TESMIN: variants seen among roughly 807,000 people sequenced by gnomAD.
TESMIN encodes the protein testis expressed metallothionein like protein.
In TESMIN, 34 loss-of-function variants were observed where a neutral mutation model predicts 47.4. The observed-to-expected ratio is 0.72, with a 90% CI of 0.55 to 0.96. TESMIN has a LOEUF of 0.96. Ranked by LOEUF, TESMIN falls within the 40% of genes least tolerant of loss-of-function variation. The probability of loss-of-function intolerance (pLI) is 0.00; values close to 1 mark genes in which losing one functional copy is unlikely to be tolerated. For synonymous variants in TESMIN, 278 were observed against 258.9 expected, an observed-to-expected ratio of 1.07 and a Z score of -0.71; for missense variants, 610 against 637.2, an observed-to-expected ratio of 0.96 and a Z score of 0.46.
downstream of TESMIN, among the ~76,000 whole-genome samples, chr11:68,707,052 C>T (rs937973725): frequency 6.6e-6 from 1 of 152,230 alleles, no homozygotes; most frequent in Non-Finnish European, 1.5e-5. Flanking sequence ...GCTGAGGGTT[C>T]CACGTCTCAC....
chr11:68,715,995 AAAG>A (rs1946133753), intron 6 of TESMIN, 56 bp from the exon 7 acceptor site: 4 of 1,153,256 alleles, frequency 3.5e-6, no homozygotes, highest in African/African-American at 1.5e-5. Flanking sequence ...TGAGTAGTGA[AAAG>A]AAGAGCACAC....
At chr11:68,710,153 TG>T (rs1176785124) in intron 9 of TESMIN, among the ~76,000 whole-genome samples, 1 of 152,066 alleles carries the variant, frequency 6.6e-6, no homozygotes. Flanking sequence ...GTGAAAGCCC[TG>T]GTCTCAAAAA....
chr11:68,746,048 A>G (rs1946516337), intron 3 of TESMIN, among the ~76,000 whole-genome samples: 1 of 152,242 alleles, frequency 6.6e-6, no homozygotes, highest in Non-Finnish European at 1.5e-5. Flanking sequence ...TTATCAAAGT[A>G]ATACACATTG....
chr11:68,750,258 G>A lies in TESMIN; in HGVS notation c.403C>T (p.Pro135Ser), dbSNP rs1377555854. 3 of 1,543,938 alleles carry A rather than the reference G, an allele frequency of 1.9e-6. No individual in the cohort carries two copies. In the South Asian group the frequency reaches 3.6e-5, roughly 19 times the overall value. ...LSSLLPAHRSPAVLPLGAWVL... is the reference protein window; with the variant it reads ...LSSLLPAHRSSAVLPLGAWVL... Reference sequence around the variant, plus strand: ...CAGGCGCCCAGGGGCAACACCGCCGGGCTGCGGTGCGCGGGTAGCAGCGAG... The same window carrying A: ...CAGGCGCCCAGGGGCAACACCGCCGAGCTGCGGTGCGCGGGTAGCAGCGAG... Residue 135 changes from proline (P) to serine (S), a missense_variant, in exon 2 of 10, where the codon CCG becomes TCG. Physicochemically the swap from Pro to Ser is moderately conservative, Grantham distance 74. Coordinates refer to ENST00000255087, the MANE Select transcript of TESMIN (RefSeq NM_004923.3).
chr11:68,705,884 G>A (rs572320778), downstream of TESMIN, among the ~76,000 whole-genome samples: 9 of 152,066 alleles, frequency 5.9e-5, no homozygotes, highest in African/African-American at 1.9e-4. Context: ...TTAGCCGGGC[G>A]TGGTGGTGCG....
chr11:68,736,236 T>A (rs1482622168), intron 6 of TESMIN: 1 of 985,346 alleles, frequency 1.0e-6, no homozygotes, highest in African/African-American at 1.7e-5. Context: ...AATAGGATTA[T>A]TAAAGCTACA....
intron 5 of TESMIN, among the ~76,000 whole-genome samples, chr11:68,740,190 T>C (rs1274471209): frequency 6.6e-6 from 1 of 152,104 alleles, no homozygotes; most frequent in Non-Finnish European, 1.5e-5. Flanking sequence ...AATCCCAGGT[T>C]TGGGGTGGAA....
chr11:68,746,170 TACACACAC>T (rs56975910), intron 3 of TESMIN, among the ~76,000 whole-genome samples: 6 of 149,498 alleles, frequency 4.0e-5, no homozygotes, highest in Admixed American at 1.3e-4. Context: ...AAGTTATAGC[TACACACAC>T]ACACACACAC....
chr11:68,743,849 C>A (rs1343937315), intron 4 of TESMIN, among the ~76,000 whole-genome samples: 1 of 152,124 alleles, frequency 6.6e-6, no homozygotes, highest in Non-Finnish European at 1.5e-5. Context: ...AATATGTGCA[C>A]AGTGTAACAA....
At chr11:68,738,254 C>G (rs1242510128) in intron 6 of TESMIN, 4 of 995,932 alleles carry the variant, frequency 4.0e-6, no homozygotes, top group Non-Finnish European at 3.6e-6. Context: ...CCATAGAGCT[C>G]GAGCCAACTC....
intron 9 of TESMIN, among the ~76,000 whole-genome samples, chr11:68,709,976 G>A (rs1946043322): frequency 1.3e-5 from 2 of 152,168 alleles, no homozygotes; most frequent in African/African-American, 4.8e-5. Context: ...AGACCAATAT[G>A]GCGAGACCCC....
intron 3 of TESMIN, among the ~76,000 whole-genome samples, chr11:68,746,109 G>A (rs1172635295): frequency 6.6e-6 from 1 of 152,194 alleles, no homozygotes; most frequent in East Asian, 1.9e-4. Flanking sequence ...GACATCTGAT[G>A]AGAGGCCAGC....
intron 2 of TESMIN, among the ~76,000 whole-genome samples, chr11:68,748,817 T>A (rs1314912442): frequency 3.3e-5 from 5 of 152,212 alleles, no homozygotes; most frequent in Non-Finnish European, 1.5e-5. Context: ...ATCTTTAACA[T>A]CAGAGAATTC....
chr11:68,734,477 G>A (rs915027407), intron 6 of TESMIN, among the ~76,000 whole-genome samples: 3 of 152,194 alleles, frequency 2.0e-5, no homozygotes, highest in Admixed American at 6.5e-5. Context: ...TGATGACAAG[G>A]AGGGGCACGT....
Position 68,750,327 on chromosome 11 carries a change from G to A in TESMIN, c.334C>T (p.Leu112=), listed in dbSNP as rs1163619322. Residue 112 remains leucine (L), a synonymous_variant, in exon 2 of 10, where the codon CTG becomes TTG. Coordinates refer to ENST00000255087, the MANE Select transcript of TESMIN (RefSeq NM_004923.3). ...CAGGCGGGCGGCTGCGGGGCCTGCA[G>A]GAGCGCGACGTCCTCCAGCGCGCTG... ...ELSALEDVAL[L]QAPQPPACNV... is the part of the protein sequence containing the mutation. 2.7e-6 allele frequency: 4 copies of A among 1,508,576 alleles called. No individual in the cohort carries two copies. Among genetic ancestry groups the A allele is most frequent in the Non-Finnish European group, 3.5e-6 (4 of 1,132,212 alleles). 93.4% of individuals were successfully genotyped at this position (1,508,576 alleles called of 1,614,324 possible). A position where few individuals can be genotyped will look rare whatever the true frequency, so the allele number is the denominator to read the frequency against.
intron 8 of TESMIN, 108 bp from the exon 9 acceptor site, chr11:68,711,157 CAG>C: frequency 1.0e-6 from 1 of 983,216 alleles, no homozygotes; most frequent in Non-Finnish European, 1.5e-6. Flanking sequence ...TTGCCCATGA[CAG>C]AGAGTGTGTG....
At chr11:68,713,894 G>A (rs921099219) in intron 7 of TESMIN, among the ~76,000 whole-genome samples, 4 of 151,718 alleles carry the variant, frequency 2.6e-5, no homozygotes, top group African/African-American at 4.8e-5. Context: ...TTTTATACCC[G>A]GAGAAACCCA....
rs1193036265 is a variant in TESMIN, at chr11:68,710,866, G to A, written c.1334+8C>T. 3 of 1,606,846 alleles carry A rather than the reference G, an allele frequency of 1.9e-6. No homozygotes were observed. Among genetic ancestry groups the A allele is most frequent in the East Asian group, 4.5e-5 (2 of 44,836 alleles). On this transcript the variant is annotated splice_region_variant and intron_variant, in intron 9 of 9. Transcript: ENST00000255087. ...CTCTATTAGCAGAGGTTAGTTCAAA[G>A]TACCTACCTATCGTGACTGAATCTT...
At position 68,707,948 on chromosome 11, in the gene TESMIN, G is replaced by A. The variant is rs1162622953; in HGVS notation, c.*360C>T. On this transcript the variant is annotated 3_prime_UTR_variant, in exon 10 of 10. Coordinates refer to ENST00000255087, the MANE Select transcript of TESMIN (RefSeq NM_004923.3). ...TCTCTGAGAGGAAGAGTCGACCAGA[G>A]TGAGCTCTCCGCAGGGCCTGCTCTG... 3 of 461,336 alleles carry A rather than the reference G, an allele frequency of 6.5e-6. No homozygotes were observed. Among genetic ancestry groups the A allele is most frequent in the Non-Finnish European group, 4.3e-6 (1 of 231,780 alleles). The allele number at this position is 461,336 out of a possible 1,614,324, so 28.6% of individuals were successfully genotyped here.
Sources: allele counts gnomAD v4.1 joint callset (sites outside exome capture counted in the v4.1 genomes callset), GRCh38; gene constraint gnomAD v4.1.1; transcripts MANE v1.5; gene names NCBI Gene and HGNC (gene_info 2026-07-23, HGNC 2026-07-21).